DOCK4: variants seen among roughly 807,000 people sequenced by gnomAD.
DOCK4 encodes the protein dedicator of cytokinesis protein 4.
Under a neutral mutation model 268.1 loss-of-function variants are expected in DOCK4, and 97 were observed. That is an observed-to-expected ratio of 0.36 (90% CI 0.31 to 0.43). DOCK4 has a LOEUF of 0.43. Ranked by LOEUF, DOCK4 falls within the 20% of genes least tolerant of loss-of-function variation. The pLI, the probability that DOCK4 is intolerant of heterozygous loss-of-function variation, is 1.00. For synonymous variants in DOCK4, 954 were observed against 887.2 expected, an observed-to-expected ratio of 1.08 and a Z score of -1.34; for missense variants, 2,145 against 2,455.7, an observed-to-expected ratio of 0.87 and a Z score of 2.67.
intron 1 of DOCK4, among the ~76,000 whole-genome samples, chr7:112,030,231 A>C (rs879527554): frequency 2.6e-5 from 4 of 152,364 alleles, no homozygotes; most frequent in Middle Eastern, 3.4e-3. Flanking sequence ...TAAGGAGAAC[A>C]CACCTCAAGA....
rs184445019 is a variant in DOCK4, at chr7:112,045,654, C to A, written c.38-41523G>T. Among the ~76,000 whole-genome samples the A allele has an allele frequency of 1.5e-3, 229 of 152,238 alleles. 2 individuals are homozygous for A. The highest frequency in any genetic ancestry group is 5.3e-3 in the African/African-American group (219 of 41,526). On this transcript the variant is annotated intron_variant, in intron 1 of 52. Coordinates refer to ENST00000428084, the MANE Select transcript of DOCK4 (RefSeq NM_001363540.2). ...ATACATGCTTGAAACTTAGCACTTG[C>A]CTGAAAGATAGTAATTGCCCAATAA...
chr7:112,102,530 T>C (rs259315), intron 1 of DOCK4, among the ~76,000 whole-genome samples: 57,088 of 151,952 alleles, frequency 0.38, 10,966 homozygotes, highest in Non-Finnish European at 0.42. Context: ...GCGATTAGGC[T>C]GTAAGAGTAG....
At chr7:112,182,225 A>C (rs1374206515) in intron 1 of DOCK4, among the ~76,000 whole-genome samples, 4 of 152,184 alleles carry the variant, frequency 2.6e-5, no homozygotes, top group African/African-American at 9.7e-5. Flanking sequence ...CGGCATGCAG[A>C]AGGAGTCAAA....
chr7:111,769,504 C>T (rs575525188), intron 37 of DOCK4, 25 bp downstream of exon 37: 5 of 1,612,478 alleles, frequency 3.1e-6, no homozygotes, highest in Non-Finnish European at 4.2e-6. Flanking sequence ...CCAGGAGGGA[C>T]CCCGGGCGGG....
chr7:111,887,752 T>C (rs1473412415), intron 16 of DOCK4, among the ~76,000 whole-genome samples: 3 of 126,580 alleles, frequency 2.4e-5, no homozygotes, highest in Non-Finnish European at 4.7e-5. Flanking sequence ...ATGGTGCCTA[T>C]TTAAAAAAAA....
In DOCK4 at chr7:111,933,549, C is replaced by T. The variant is rs998167983; in HGVS notation, c.1066+1991G>A. ...TGACCTTGTGATCCACCCGCCTTGG[C>T]CTCCCAAAGTGCTGTGATTACAGAC... On this transcript the variant is annotated intron_variant, in intron 12 of 52. Coordinates refer to ENST00000428084, the MANE Select transcript of DOCK4 (RefSeq NM_001363540.2). Among the ~76,000 whole-genome samples, 13 of 151,868 alleles carry T rather than the reference C, an allele frequency of 8.6e-5. 1 individual carries two copies. The highest frequency in any genetic ancestry group is 1.5e-5 in the Non-Finnish European group (1 of 67,984).
chr7:111,829,244 C>A (rs1299825040), intron 26 of DOCK4, among the ~76,000 whole-genome samples: 1 of 152,136 alleles, frequency 6.6e-6, no homozygotes, highest in African/African-American at 2.4e-5. Flanking sequence ...AGAGAGCTGA[C>A]AATTACAATT....
chr7:111,932,952 A>G (rs1396895577), intron 12 of DOCK4, among the ~76,000 whole-genome samples: 1 of 151,824 alleles, frequency 6.6e-6, no homozygotes, highest in Non-Finnish European at 1.5e-5. Context: ...AAGTCTACCA[A>G]TGAATTCCAC....
intron 1 of DOCK4, among the ~76,000 whole-genome samples, chr7:112,004,742 G>A (rs1299063604): frequency 2.0e-5 from 3 of 152,118 alleles, no homozygotes; most frequent in East Asian, 1.9e-4. Flanking sequence ...TAATGACTGG[G>A]CCCTCCCGCA....
intron 1 of DOCK4, among the ~76,000 whole-genome samples, chr7:112,138,789 C>T (rs768010131): frequency 3.9e-5 from 6 of 151,986 alleles, no homozygotes; most frequent in Admixed American, 6.6e-5. Flanking sequence ...GGTGGGGCCC[C>T]GTTAATGAGA....
chr7:111,856,177 A>G (rs756096239), intron 23 of DOCK4, among the ~76,000 whole-genome samples: 6 of 152,246 alleles, frequency 3.9e-5, no homozygotes, highest in Admixed American at 2.6e-4. Context: ...AAATGAAATG[A>G]TACAGGTGTC....
At chr7:112,138,839 C>T (rs1814614391) in intron 1 of DOCK4, among the ~76,000 whole-genome samples, 1 of 152,124 alleles carries the variant, frequency 6.6e-6, no homozygotes. Context: ...AGAAAGATCT[C>T]TCTCCATGCA....
chr7:111,884,291 A>C (rs898018321), intron 16 of DOCK4, among the ~76,000 whole-genome samples: 1 of 152,182 alleles, frequency 6.6e-6, no homozygotes, highest in Non-Finnish European at 1.5e-5. Context: ...CTGCGTGTAT[A>C]TTCTCTTCTC....
intron 1 of DOCK4, among the ~76,000 whole-genome samples, chr7:112,147,123 T>C (rs910592901): frequency 1.3e-5 from 2 of 152,144 alleles, no homozygotes; most frequent in African/African-American, 2.4e-5. Context: ...AGTTCTTATA[T>C]AATAATGTTT....
intron 1 of DOCK4, among the ~76,000 whole-genome samples, chr7:112,057,302 G>C (rs1194581381): frequency 1.3e-5 from 2 of 151,998 alleles, no homozygotes; most frequent in Non-Finnish European, 2.9e-5. Flanking sequence ...CAACACTTTG[G>C]GACTTTGGGA....
intron 27 of DOCK4, among the ~76,000 whole-genome samples, chr7:111,813,246 T>A (rs1023165071): frequency 4.6e-5 from 7 of 152,204 alleles, no homozygotes; most frequent in Non-Finnish European, 1.0e-4. Flanking sequence ...GAGGATGTAT[T>A]TATGTCACCC....
At chr7:112,172,034 C>T (rs1367931390) in intron 1 of DOCK4, among the ~76,000 whole-genome samples, 2 of 152,162 alleles carry the variant, frequency 1.3e-5, no homozygotes, top group African/African-American at 2.4e-5. Context: ...TAGATTAGGG[C>T]CCACCCTAAA....
intron 1 of DOCK4, among the ~76,000 whole-genome samples, chr7:112,142,283 C>A (rs1815006781): frequency 6.6e-6 from 1 of 152,160 alleles, no homozygotes; most frequent in Non-Finnish European, 1.5e-5. Flanking sequence ...CATTGCACAC[C>A]TTTTCTAGGA....
chr7:111,743,118 G>A (rs1194612090), intron 44 of DOCK4, among the ~76,000 whole-genome samples: 1 of 152,166 alleles, frequency 6.6e-6, no homozygotes, highest in African/African-American at 2.4e-5. Flanking sequence ...AAGAGATGAA[G>A]GTAAACATTC....
Sources: gnomAD v4.1 joint callset for allele counts (sites outside exome capture counted in the v4.1 genomes callset) on GRCh38, gnomAD v4.1.1 for gene constraint, MANE v1.5 for transcripts, NCBI Gene and HGNC (gene_info 2026-07-23, HGNC 2026-07-21) for gene names.